Variants in MYO9A observed in about 807,000 individuals in gnomAD.
The protein encoded by MYO9A is unconventional myosin-IXa.
In MYO9A, 103 loss-of-function variants were observed where a neutral mutation model predicts 293.3. That is an observed-to-expected ratio of 0.35 (90% confidence interval 0.30 to 0.41). The LOEUF is 0.41. Among genes scored for constraint, MYO9A ranks in the 10% least tolerant of loss-of-function variants. The pLI, the probability that MYO9A is intolerant of heterozygous loss-of-function variation, is 1.00. For synonymous variants in MYO9A, 1,001 were observed against 1,035.7 expected, an observed-to-expected ratio of 0.97 and a Z score of 0.64; for missense variants, 2,685 against 3,033.0, an observed-to-expected ratio of 0.89 and a Z score of 2.69.
intron 39 of MYO9A, among the ~76,000 whole-genome samples, chr15:71,842,364 G>A (rs545130162): frequency 1.3e-5 from 2 of 152,086 alleles, no homozygotes; most frequent in East Asian, 1.9e-4. Flanking sequence ...GTGACAGAGC[G>A]AGACTCTGTC....
chr15:71,895,520 T>C (rs766061982), intron 25 of MYO9A, among the ~76,000 whole-genome samples: 8 of 152,188 alleles, frequency 5.3e-5, no homozygotes, highest in Non-Finnish European at 1.0e-4. Flanking sequence ...ATACATGATC[T>C]TGAATAAGTC....
chr15:72,050,335 G>A (rs559963584), intron 1 of MYO9A, among the ~76,000 whole-genome samples: 80 of 152,100 alleles, frequency 5.3e-4, no homozygotes, highest in East Asian at 2.3e-3. Flanking sequence ...CCAGCCGGGT[G>A]CGGTGGCTCA....
chr15:71,859,975 G>A (rs1453765892), intron 33 of MYO9A, among the ~76,000 whole-genome samples, 179 bp from the exon 34 acceptor site: 1 of 152,088 alleles, frequency 6.6e-6, no homozygotes, highest in East Asian at 1.9e-4. Context: ...ATTCTATTGG[G>A]TATAATGAAG....
At chr15:71,830,082 T>G in intron 40 of MYO9A, 27 bp downstream of exon 40, 2 of 1,606,868 alleles carry the variant, frequency 1.2e-6, no homozygotes, top group Non-Finnish European at 1.7e-6. Flanking sequence ...ACTATAACTG[T>G]CTCTCCCCTT....
Position 71,897,597 on chromosome 15 carries a change from G to A in MYO9A, c.4906C>T (p.Leu1636Phe), listed in dbSNP as rs776411143. The A allele has an allele frequency of 1.2e-6, 2 of 1,614,138 alleles. No homozygotes were observed. Among genetic ancestry groups the A allele is most frequent in the South Asian group, 1.1e-5 (1 of 91,084 alleles). The change falls in exon 25 of 42, where the codon CTC (leucine) becomes TTC (phenylalanine). Residue 1636 changes from leucine (L) to phenylalanine (F), a missense_variant. By Grantham distance (22) the Leu-to-Phe change is conservative (BLOSUM62 0). Around this residue, in one of 10 missense-constraint regions of MYO9A, gnomAD observed 1,434 missense variants for 1,497.7 expected, o/e 0.96. Coordinates refer to ENST00000356056, the MANE Select transcript of MYO9A (RefSeq NM_006901.4). ...MGTQLNVACKLSNNRISKREH... is the reference protein window; with the variant it reads ...MGTQLNVACKFSNNRISKREH... Reference sequence around the variant, plus strand: ...CTTTTTGAAATGCGATTATTTGAGAGTTTACAGGCTACATTCAGCTGGGTG... The same window carrying A: ...CTTTTTGAAATGCGATTATTTGAGAATTTACAGGCTACATTCAGCTGGGTG...
chr15:72,011,810 TCTTC>T (rs1368589850), intron 6 of MYO9A, among the ~76,000 whole-genome samples: 1 of 152,242 alleles, frequency 6.6e-6, no homozygotes, highest in Non-Finnish European at 1.5e-5. Context: ...TTAATGCCTA[TCTTC>T]CTAGGGAATA....
chr15:71,823,554 G>A lies in MYO9A; in HGVS notation c.*3026C>T, dbSNP rs878913654. The stretch of plus-strand genomic sequence containing the variant: ...TGGCAAAATAATTTAAATGGCAGGA[G>A]GTACAAAGTACGTTGTAAACTAAGC... On this transcript the variant is annotated 3_prime_UTR_variant, in exon 42 of 42. Transcript: ENST00000356056. 6.6e-6 allele frequency: 1 copy of A among 152,150 alleles called. No individual in the cohort carries two copies. The highest frequency in any genetic ancestry group is 6.5e-5 in the Admixed American group (1 of 15,280). The allele number at this position is 152,150 out of a possible 1,614,324, so 9.4% of individuals were successfully genotyped here. A position where few individuals can be genotyped will look rare whatever the true frequency, so the allele number is the denominator to read the frequency against.
intron 39 of MYO9A, among the ~76,000 whole-genome samples, chr15:71,834,544 G>A (rs551389925): frequency 6.6e-6 from 1 of 152,242 alleles, no homozygotes; most frequent in African/African-American, 2.4e-5. Context: ...GGCTGAGGCA[G>A]GTGGATCGCT....
intron 15 of MYO9A, among the ~76,000 whole-genome samples, chr15:71,945,314 T>A (rs1013159968): frequency 3.3e-5 from 5 of 152,154 alleles, no homozygotes; most frequent in African/African-American, 1.2e-4. Context: ...ACAAATAGCA[T>A]CTTGTCTCTC....
At chr15:72,031,401 A>C (rs1445180059) in intron 3 of MYO9A, among the ~76,000 whole-genome samples, 2 of 152,108 alleles carry the variant, frequency 1.3e-5, no homozygotes, top group Non-Finnish European at 2.9e-5. Flanking sequence ...CAGGAGAATC[A>C]CTTGAACCCG....
At position 71,903,910 on chromosome 15, in the gene MYO9A, A is replaced by T. The variant is rs2057555188; in HGVS notation, c.2877+19T>A. ...ACTTGATGTGTCTAAATATGTAAATATCACTATAAAAACAGAACCTGGAAA... is the reference window on the plus strand; with the variant it reads ...ACTTGATGTGTCTAAATATGTAAATTTCACTATAAAAACAGAACCTGGAAA... On this transcript the variant is annotated intron_variant, in intron 21 of 41. Coordinates refer to ENST00000356056, the MANE Select transcript of MYO9A (RefSeq NM_006901.4). 6.3e-7 allele frequency: 1 copy of T among 1,593,838 alleles called. No individual in the cohort carries two copies. Among genetic ancestry groups the T allele is most frequent in the Non-Finnish European group, 8.6e-7 (1 of 1,163,036 alleles).
intron 3 of MYO9A, among the ~76,000 whole-genome samples, chr15:72,028,218 A>AATAAATAAATATATATATATATATATAT (rs1555408276): frequency 7.4e-6 from 1 of 134,256 alleles, no homozygotes; most frequent in African/African-American, 2.7e-5. Context: ...TAAATAAATA[A>AATAAATAAATATATATATATATATATAT]ATATATATAT....
intron 32 of MYO9A, among the ~76,000 whole-genome samples, chr15:71,866,284 T>C (rs563022244): frequency 6.6e-6 from 1 of 152,338 alleles, no homozygotes; most frequent in South Asian, 2.1e-4. Flanking sequence ...ACAGACTATG[T>C]ATGTTTATAA....
At chr15:71,849,368 A>C (rs2055535558) in intron 38 of MYO9A, among the ~76,000 whole-genome samples, 1 of 152,018 alleles carries the variant, frequency 6.6e-6, no homozygotes, top group South Asian at 2.1e-4. Flanking sequence ...AGAATCGCTT[A>C]AACCTGGGAG....
chr15:71,910,168 G>GTATATGTATA (rs1555478415), intron 19 of MYO9A, among the ~76,000 whole-genome samples: 1 of 128,330 alleles, frequency 7.8e-6, no homozygotes, highest in Non-Finnish European at 1.6e-5. Context: ...ATATATACGT[G>GTATATGTATA]TATATATATA....
intron 14 of MYO9A, among the ~76,000 whole-genome samples, chr15:71,955,764 A>C (rs1037671093): frequency 6.6e-6 from 1 of 152,220 alleles, no homozygotes; most frequent in Non-Finnish European, 1.5e-5. Context: ...AGCTACATAA[A>C]CATTACCACA....
chr15:72,008,222 T>C (rs1396440218), intron 7 of MYO9A, among the ~76,000 whole-genome samples: 1 of 152,190 alleles, frequency 6.6e-6, no homozygotes, highest in South Asian at 2.1e-4. Flanking sequence ...TCACAGTGTT[T>C]ACAGTGTTTT....
chr15:71,929,530 T>C (rs1339233257), intron 18 of MYO9A, among the ~76,000 whole-genome samples: 1 of 152,206 alleles, frequency 6.6e-6, no homozygotes, highest in African/African-American at 2.4e-5. Context: ...TTTTTCTGCA[T>C]GTGTTGAAAT....
At chr15:72,049,809 C>G (rs567329793) in intron 1 of MYO9A, among the ~76,000 whole-genome samples, 2 of 152,254 alleles carry the variant, frequency 1.3e-5, no homozygotes, top group Non-Finnish European at 2.9e-5. Context: ...CAAAACCATC[C>G]CCTACTACCC....
Sources: gnomAD v4.1 joint callset for allele counts (sites outside exome capture counted in the v4.1 genomes callset) on GRCh38, gnomAD v4.1.1 for gene constraint, gnomAD v4.1.1 regional missense constraint, MANE v1.5 for transcripts, NCBI Gene and HGNC (gene_info 2026-07-23, HGNC 2026-07-21) for gene names.